LCN2: variants seen among roughly 807,000 people sequenced by gnomAD.
LCN2 encodes the protein lipocalin 2.
In LCN2, 27 loss-of-function variants were observed where a neutral mutation model predicts 26.4. The ratio of observed to expected loss-of-function variants is 1.02; its 90% CI spans 0.76 to 1.41. LCN2 has a LOEUF of 1.41. Ranked by LOEUF, LCN2 falls within the 40% of genes most tolerant of loss-of-function variation. The pLI is 0.00. For synonymous variants in LCN2, 94 were observed against 98.9 expected (o/e 0.95, Z 0.30); for missense variants, 224 against 237.6 (o/e 0.94, Z 0.38).
chr9:128,153,366 C>A lies in LCN2; in HGVS notation c.*63C>A, dbSNP rs1261419593. 4 of 582,166 alleles carry A rather than the reference C, an allele frequency of 6.9e-6. No individual in the cohort carries two copies. The highest frequency in any genetic ancestry group is 1.2e-5 in the Non-Finnish European group (4 of 323,590). 36.1% of individuals were successfully genotyped at this position (582,166 alleles called of 1,614,324 possible). ...ACCATTGAGGGAGCTGGGAGACCCT[C>A]CCCACAGTGCCACCCATGCAGCTGC... On this transcript the variant is annotated 3_prime_UTR_variant, in exon 7 of 7. Coordinates refer to ENST00000277480, the MANE Select transcript of LCN2 (RefSeq NM_005564.5). This position sits in a 1 kb window ranked among gnomAD's most constrained non-coding sequence, Gnocchi z 5.4.
In LCN2 at chr9:128,149,602, A is replaced by G; in HGVS notation, c.77A>G (p.Asp26Gly). 1 of 1,613,968 alleles carries G rather than the reference A, an allele frequency of 6.2e-7. No homozygotes were observed. The highest frequency in any genetic ancestry group is 8.5e-7 in the Non-Finnish European group (1 of 1,179,964). ...LHAQAQDSTSDLIPAPPLSKV... is the reference protein window; with the variant it reads ...LHAQAQDSTSGLIPAPPLSKV... ...GCCCAGGCCCAGGACTCCACCTCAG[A>G]CCTGATCCCAGCCCCACCTCTGAGC... The change falls in exon 1 of 7, where the codon GAC (aspartate) becomes GGC (glycine). Residue 26 changes from aspartate to glycine, a missense_variant. By Grantham distance (94) the Asp-to-Gly change is moderately conservative. Transcript: ENST00000277480.
intron 2 of LCN2, 181 bp from the exon 3 acceptor site, chr9:128,151,457 C>T: frequency 1.6e-6 from 1 of 641,058 alleles, no homozygotes; most frequent in Non-Finnish European, 2.9e-6. Context: ...AGGGAGAAGG[C>T]CCAGGCCCAT....
In LCN2 at chr9:128,149,573, G is replaced by A. The variant is rs760568843; in HGVS notation, c.48G>A (p.Leu16=). The A allele has an allele frequency of 1.9e-6, 3 of 1,613,886 alleles. No individual in the cohort carries two copies. The South Asian group carries it at 3.3e-5, about 18-fold the overall frequency. ...LWLGLALLGA[L]HAQAQDSTSD... ...TGGGCCTAGCCCTGTTGGGGGCTCTGCATGCCCAGGCCCAGGACTCCACCT... is the reference window on the plus strand; with the variant it reads ...TGGGCCTAGCCCTGTTGGGGGCTCTACATGCCCAGGCCCAGGACTCCACCT... Residue 16 remains leucine (L), a synonymous_variant, in exon 1 of 7, where the codon CTG becomes CTA. Coordinates refer to ENST00000277480, the MANE Select transcript of LCN2 (RefSeq NM_005564.5).
rs1490538729 is a variant in LCN2 at position 128,151,322 on chromosome 9, GT to G, written c.276-315del. ...GAAATGCAGGGTTTCTGTGTGTTGG[GT>G]GGCGGGGGGGGTGAAAGCCACCCAG... On this transcript the variant is annotated intron_variant, in intron 2 of 6. Coordinates refer to ENST00000277480, the MANE Select transcript of LCN2 (RefSeq NM_005564.5). 1.7e-3 allele frequency: 958 copies of G among 567,294 alleles called. 5 individuals are homozygous for G. The highest frequency in any genetic ancestry group is 0.016 in the African/African-American group (866 of 53,044). The allele number at this position is 567,294 out of a possible 1,614,324, so 35.1% of individuals were successfully genotyped here.
chr9:128,150,093 A>G (rs1483785245), intron 1 of LCN2, 145 bp from the exon 2 acceptor site: 1 of 1,002,934 alleles, frequency 1.0e-6, no homozygotes, highest in Non-Finnish European at 1.4e-6. Context: ...CCCCTTCACC[A>G]GTGCAGGCCC....
intron 2 of LCN2, among the ~76,000 whole-genome samples, chr9:128,151,181 G>A (rs1835002567): frequency 6.6e-6 from 1 of 152,098 alleles, no homozygotes. Flanking sequence ...CTCAAGGATG[G>A]GGTCAGGTTT....
chr9:128,151,413 AGGCAGGCCAGGAGGGACAGCCT>A, intron 2 of LCN2: 1 of 608,182 alleles, frequency 1.6e-6, no homozygotes, highest in South Asian at 2.0e-5. Context: ...CAGGGGCCCC[AGGCAGGCCAGGAGGGACAGCCT>A]GGTGTCAGCT....
intron 4 of LCN2, 24 bp from the exon 5 acceptor site, chr9:128,152,159 A>C (rs758260490): frequency 9.9e-5 from 160 of 1,612,742 alleles, no homozygotes; most frequent in Non-Finnish European, 1.3e-4. Flanking sequence ...TCTGCCAGCC[A>C]CTCACTGGCC....
rs964729508 is a variant in LCN2, at chr9:128,153,260, C to T, written c.*8-51C>T. 32 of 1,087,260 alleles carry T rather than the reference C, an allele frequency of 2.9e-5. No individual in the cohort carries two copies. The highest frequency in any genetic ancestry group is 7.6e-5 in the South Asian group (6 of 78,640). The allele number at this position is 1,087,260 out of a possible 1,614,324, so 67.4% of individuals were successfully genotyped here. A position where few individuals can be genotyped will look rare whatever the true frequency, so the allele number is the denominator to read the frequency against. On this transcript the variant is annotated intron_variant, in intron 6 of 6. Transcript: ENST00000277480. This position sits in a 1 kb window ranked among gnomAD's most constrained non-coding sequence, Gnocchi z 5.4. ...TGTCTTTATTCTGCTGTCCCCATCT[C>T]GGGTGCCTCCCATTTCCCCACCCAT...
rs370113488 is a variant in LCN2 at position 128,153,143 on chromosome 9, G to A, written c.*7+17G>A. ...GAGTGCACAGTGAGTGTGGCTGGGC[G>A]GCTGCGAGGGGGCTTGTGGGAGGCC... is the stretch of plus-strand genomic sequence containing the variant. On this transcript the variant is annotated intron_variant, in intron 6 of 6. Coordinates refer to ENST00000277480, the MANE Select transcript of LCN2 (RefSeq NM_005564.5). This position sits in a 1 kb window ranked among gnomAD's most constrained non-coding sequence, Gnocchi z 5.4. The A allele has an allele frequency of 1.7e-5, 28 of 1,613,846 alleles. No homozygotes were observed. The highest frequency in any genetic ancestry group is 1.2e-4 in the African/African-American group (9 of 74,902).
At chr9:128,152,133 C>T (rs371541704) in intron 4 of LCN2, 50 bp from the exon 5 acceptor site, 246 of 1,608,932 alleles carry the variant, frequency 1.5e-4, no homozygotes, top group Non-Finnish European at 1.9e-4. Flanking sequence ...ACTCATTCAA[C>T]GATATTTATG....
At chr9:128,152,936 C>T (rs933372169) in intron 5 of LCN2, among the ~76,000 whole-genome samples, 164 bp from the exon 6 acceptor site, 2 of 152,132 alleles carry the variant, frequency 1.3e-5, no homozygotes, top group South Asian at 2.1e-4. Flanking sequence ...CCTCTGTTGC[C>T]CCATCTCTGA....
chr9:128,149,638 T>C lies in LCN2; in HGVS notation c.113T>C (p.Leu38Pro), dbSNP rs772818407. The change falls in exon 1 of 7, where the codon CTG (leucine) becomes CCG (proline). Residue 38 changes from leucine (L) to proline (P), a missense_variant. Physicochemically the swap from Leu to Pro is moderately conservative, Grantham distance 98 (BLOSUM62 -3). Transcript: ENST00000277480. ...IPAPPLSKVP[L>P]QQNFQDNQFQ... ...GCCCCACCTCTGAGCAAGGTCCCTCTGCAGCAGAACTTCCAGGACAACCAA... is the reference window on the plus strand; with the variant it reads ...GCCCCACCTCTGAGCAAGGTCCCTCCGCAGCAGAACTTCCAGGACAACCAA... 1.2e-6 allele frequency: 2 copies of C among 1,613,816 alleles called. No homozygotes were observed. The highest frequency in any genetic ancestry group is 1.7e-6 in the Non-Finnish European group (2 of 1,179,956).
In LCN2 at chr9:128,152,035, C is replaced by T. The variant is rs1295870106; in HGVS notation, c.475+10C>T. 6.2e-7 allele frequency: 1 copy of T among 1,613,922 alleles called. No individual in the cohort carries two copies. Among genetic ancestry groups the T allele is most frequent in the Non-Finnish European group, 8.5e-7 (1 of 1,179,960 alleles). ...AAGATCACCCTCTACGGTGGGTCCTCTCCCATCCCCTCGGGGACTGGCTCC... is the reference window on the plus strand; with the variant it reads ...AAGATCACCCTCTACGGTGGGTCCTTTCCCATCCCCTCGGGGACTGGCTCC... On this transcript the variant is annotated intron_variant, in intron 4 of 6. Coordinates refer to ENST00000277480, the MANE Select transcript of LCN2 (RefSeq NM_005564.5).
Position 128,149,680 on chromosome 9 carries a change from G to A in LCN2, c.138+17G>A, listed in dbSNP as rs765236947. The A allele has an allele frequency of 2.5e-6, 4 of 1,613,258 alleles. No homozygotes were observed. Among genetic ancestry groups the A allele is most frequent in the Non-Finnish European group, 3.4e-6 (4 of 1,179,840 alleles). On this transcript the variant is annotated intron_variant, in intron 1 of 6. Transcript: ENST00000277480. Reference sequence around the variant, plus strand: ...GACAACCAAGTAAGGGGCCAAGAGGGGCACCTGCAGGCAGGGCCTGGGGAA... The same window carrying A: ...GACAACCAAGTAAGGGGCCAAGAGGAGCACCTGCAGGCAGGGCCTGGGGAA...
At position 128,152,189 on chromosome 9, in the gene LCN2, C is replaced by G; in HGVS notation, c.482C>G (p.Thr161Ser). ...EYFKITLYGR[T>S]KELTSELKEN... ...CTGGCCATCTTGGTCACAGGGAGAA[C>G]CAAGGAGCTGACTTCGGAACTAAAG... Residue 161 changes from threonine (T) to serine (S), a missense_variant, in exon 5 of 7, where the codon ACC becomes AGC. By Grantham distance (58) the Thr-to-Ser change is moderately conservative (BLOSUM62 1). Coordinates refer to ENST00000277480, the MANE Select transcript of LCN2 (RefSeq NM_005564.5). The G allele has an allele frequency of 6.2e-7, 1 of 1,614,102 alleles. No homozygotes were observed. The highest frequency in any genetic ancestry group is 8.5e-7 in the Non-Finnish European group (1 of 1,179,990).
chr9:128,149,542 T>A lies in LCN2; in HGVS notation c.17T>A (p.Leu6Gln), dbSNP rs139418967. ...CCTGAAATCATGCCCCTAGGTCTCC[T>A]GTGGCTGGGCCTAGCCCTGTTGGGG... MPLGL[L>Q]WLGLALLGAL... Residue 6 changes from leucine to glutamine, a missense_variant, in exon 1 of 7, where the codon CTG becomes CAG. Leu to Gln is a moderately radical substitution (Grantham distance 113). Coordinates refer to ENST00000277480, the MANE Select transcript of LCN2 (RefSeq NM_005564.5). 3 of 1,612,962 alleles carry A rather than the reference T, an allele frequency of 1.9e-6. No individual in the cohort carries two copies. In the Admixed American group the frequency reaches 5.0e-5, roughly 27 times the overall value.
chr9:128,152,319 G>A, intron 5 of LCN2, 35 bp downstream of exon 5: 1 of 1,573,188 alleles, frequency 6.4e-7, no homozygotes, highest in Non-Finnish European at 8.7e-7. Flanking sequence ...ACGGGGACAT[G>A]GGGACTGTTC....
chr9:128,152,412 G>T (rs896701917), intron 5 of LCN2, 128 bp downstream of exon 5: 1 of 784,290 alleles, frequency 1.3e-6, no homozygotes, highest in African/African-American at 1.7e-5. Flanking sequence ...GGATGGTCCA[G>T]GAGCTCCTTG....
Sources: gnomAD v4.1 joint callset for allele counts (sites outside exome capture counted in the v4.1 genomes callset) on GRCh38, gnomAD v4.1.1 for gene constraint, Gnocchi (gnomAD v3.1) non-coding constraint, MANE v1.5 for transcripts, NCBI Gene and HGNC (gene_info 2026-07-23, HGNC 2026-07-21) for gene names.